HADHB: variants seen among roughly 807,000 people sequenced by gnomAD.
The protein encoded by HADHB is trifunctional enzyme subunit beta, mitochondrial.
A neutral mutation model predicts 61.9 loss-of-function variants in HADHB; 50 were observed. The ratio of observed to expected loss-of-function variants is 0.81; its 90% CI spans 0.64 to 1.02. The LOEUF is 1.02. Ranked by LOEUF, HADHB falls within the 50% of genes least tolerant of loss-of-function variation. The pLI, the probability that HADHB is intolerant of heterozygous loss-of-function variation, is 0.00. For synonymous variants in HADHB, 191 were observed against 201.6 expected (o/e 0.95, Z 0.45); for missense variants, 504 against 586.5 (o/e 0.86, Z 1.45).
chr2:26,271,887 A>G (rs552417883), intron 5 of HADHB, among the ~76,000 whole-genome samples: 1 of 152,290 alleles, frequency 6.6e-6, no homozygotes, highest in Non-Finnish European at 1.5e-5. Flanking sequence ...GCAATCGAGC[A>G]AGACTTTGTC....
chr2:26,256,220 T>C (rs1480438677), intron 3 of HADHB, among the ~76,000 whole-genome samples: 1 of 152,204 alleles, frequency 6.6e-6, no homozygotes, highest in Non-Finnish European at 1.5e-5. Flanking sequence ...CAATGGGAAG[T>C]GGCCAGCTGA....
chr2:26,262,399 A>G (rs1671901330), intron 3 of HADHB, among the ~76,000 whole-genome samples: 1 of 152,228 alleles, frequency 6.6e-6, no homozygotes, highest in African/African-American at 2.4e-5. Flanking sequence ...TAAGTGCACT[A>G]AAAGAAACGA....
At chr2:26,269,214 T>A (rs1162577110) in intron 4 of HADHB, among the ~76,000 whole-genome samples, 1 of 151,808 alleles carries the variant, frequency 6.6e-6, no homozygotes. Flanking sequence ...TTCTTATTTA[T>A]GTATTTACAC....
At chr2:26,280,642 C>T (rs904681172) in intron 10 of HADHB, among the ~76,000 whole-genome samples, 1 of 152,054 alleles carries the variant, frequency 6.6e-6, no homozygotes, top group African/African-American at 2.4e-5. Context: ...CACCTGAGGT[C>T]AGGAGTTCGA....
In HADHB at chr2:26,251,580, C is replaced by T. The variant is rs60401299; in HGVS notation, c.-8-2667C>T. Among the ~76,000 whole-genome samples the T allele has an allele frequency of 6.3e-3, 958 of 152,244 alleles. 8 individuals are homozygous for T. The highest frequency in any genetic ancestry group is 0.022 in the African/African-American group (896 of 41,538). The stretch of plus-strand genomic sequence containing the variant: ...TCATGAATTTTATTTCAAGATGAAC[C>T]TTACGTAAGGGAACTTGTAGCCCAG... On this transcript the variant is annotated intron_variant, in intron 1 of 15. Coordinates refer to ENST00000317799, the MANE Select transcript of HADHB (RefSeq NM_000183.3).
chr2:26,266,116 A>G (rs1316567433), intron 4 of HADHB, among the ~76,000 whole-genome samples: 2 of 151,926 alleles, frequency 1.3e-5, no homozygotes, highest in Non-Finnish European at 2.9e-5. Context: ...AGGTGTTTTA[A>G]TTAGCCAGGC....
intron 1 of HADHB, among the ~76,000 whole-genome samples, chr2:26,250,864 C>T (rs187690573): frequency 1.2e-3 from 174 of 150,948 alleles, no homozygotes; most frequent in African/African-American, 3.7e-3. Context: ...TTATATTCTC[C>T]GATGTTTTCC....
intron 1 of HADHB, among the ~76,000 whole-genome samples, chr2:26,252,892 C>T (rs921919367): frequency 6.6e-6 from 1 of 152,196 alleles, no homozygotes; most frequent in African/African-American, 2.4e-5. Context: ...CCAAATTGCC[C>T]TCCCCATGGA....
intron 12 of HADHB, among the ~76,000 whole-genome samples, chr2:26,283,448 C>T (rs1464340130): frequency 5.3e-5 from 8 of 151,982 alleles, no homozygotes; most frequent in Admixed American, 3.3e-4. Flanking sequence ...GGCATGAACC[C>T]GAGAGGCAGA....
chr2:26,264,304 T>G (rs1671977461), intron 4 of HADHB, among the ~76,000 whole-genome samples: 1 of 152,044 alleles, frequency 6.6e-6, no homozygotes. Context: ...ATCCCAGCAC[T>G]TTGGGAGGCC....
intron 1 of HADHB, among the ~76,000 whole-genome samples, chr2:26,246,195 A>T (rs1671147682): frequency 6.6e-6 from 1 of 152,210 alleles, no homozygotes; most frequent in Admixed American, 6.5e-5. Flanking sequence ...TGCTTTCTTC[A>T]ACACCTAACT....
intron 1 of HADHB, among the ~76,000 whole-genome samples, chr2:26,248,628 T>C (rs1405941249): frequency 6.6e-6 from 1 of 152,256 alleles, no homozygotes; most frequent in Non-Finnish European, 1.5e-5. Context: ...GCATTTTACA[T>C]GTCTTCTAGT....
chr2:26,284,033 A>G, intron 12 of HADHB, 84 bp from the exon 13 acceptor site: 10 of 769,308 alleles, frequency 1.3e-5, no homozygotes, highest in Non-Finnish European at 1.2e-5. Flanking sequence ...TAGAGTACCT[A>G]TGTAAAACTC....
intron 14 of HADHB, 124 bp from the exon 15 acceptor site, chr2:26,285,283 T>C: frequency 1.3e-6 from 1 of 798,116 alleles, no homozygotes. Flanking sequence ...GCAGTAAAAT[T>C]ATTTGTAATA....
At chr2:26,284,478 T>C (rs1672935673) in intron 13 of HADHB, among the ~76,000 whole-genome samples, 1 of 151,812 alleles carries the variant, frequency 6.6e-6, no homozygotes, top group Non-Finnish European at 1.5e-5. Flanking sequence ...TTTTTTTTTT[T>C]TGGAGACAGA....
At chr2:26,267,851 A>G (rs192701201) in intron 4 of HADHB, among the ~76,000 whole-genome samples, 9 of 152,002 alleles carry the variant, frequency 5.9e-5, no homozygotes, top group Admixed American at 5.2e-4. Flanking sequence ...ATTAATAAAT[A>G]TAGGAGGACT....
rs35675939 is a variant in HADHB at position 26,269,149 on chromosome 2, T to TAAA, written c.210-790_210-788dup. Among the ~76,000 whole-genome samples the TAAA allele has an allele frequency of 4.5e-5, 6 of 132,130 alleles. No homozygotes were observed. The East Asian group carries it at 9.1e-4, about 20-fold the overall frequency. The allele number at this position is 132,130 out of a possible 152,430, so 86.7% of individuals were successfully genotyped here. A position where few individuals can be genotyped will look rare whatever the true frequency, so the allele number is the denominator to read the frequency against. On this transcript the variant is annotated intron_variant, in intron 4 of 15. Transcript: ENST00000317799. ...GGGCAACAAGAGCGAACCTCCGTCT[T>TAAA]AAAAAAAAAAAAAAAACAGCAGGGG...
intron 3 of HADHB, among the ~76,000 whole-genome samples, chr2:26,259,636 C>T (rs996160920): frequency 7.9e-5 from 12 of 152,174 alleles, no homozygotes; most frequent in Non-Finnish European, 1.8e-4. Context: ...CCCACCACTC[C>T]GACTGATCTC....
At chr2:26,249,489 C>T (rs1245446331) in intron 1 of HADHB, among the ~76,000 whole-genome samples, 2 of 151,980 alleles carry the variant, frequency 1.3e-5, no homozygotes, top group South Asian at 2.1e-4. Context: ...CCAGCCTGGG[C>T]GACAGAGTGA....
Sources: gnomAD v4.1 joint callset for allele counts (sites outside exome capture counted in the v4.1 genomes callset) on GRCh38, gnomAD v4.1.1 for gene constraint, MANE v1.5 for transcripts, NCBI Gene and HGNC (gene_info 2026-07-23, HGNC 2026-07-21) for gene names.